The following MAD1L1 variants were observed in gnomAD, a reference collection of about 807,000 sequenced individuals.
The protein encoded by MAD1L1 is mitotic spindle assembly checkpoint protein MAD1.
In MAD1L1, 95 loss-of-function variants were observed where a neutral mutation model predicts 96.9. The ratio of observed to expected loss-of-function variants is 0.98; its 90% CI spans 0.83 to 1.16. MAD1L1 has a LOEUF of 1.16. Among genes scored for constraint, MAD1L1 ranks in the 50% most tolerant of loss-of-function variants. The pLI is 0.00. For synonymous variants in MAD1L1, 473 were observed against 396.6 expected, an observed-to-expected ratio of 1.19 and a Z score of -2.29; for missense variants, 1,007 against 954.4, an observed-to-expected ratio of 1.06 and a Z score of -0.73.
intron 18 of MAD1L1, among the ~76,000 whole-genome samples, chr7:1,887,836 TG>T (rs1322160270): frequency 2.4e-5 from 1 of 41,968 alleles, no homozygotes; most frequent in African/African-American, 1.3e-4. Flanking sequence ...TGCATGTATG[TG>T]GCGTCCTGTG....
chr7:1,929,174 C>G (rs1056674019), intron 17 of MAD1L1, among the ~76,000 whole-genome samples: 2 of 152,050 alleles, frequency 1.3e-5, no homozygotes, highest in Admixed American at 1.3e-4. Context: ...GGCCTCCCCT[C>G]TTTTCTTCCA....
chr7:2,128,253 G>A (rs1018161659), intron 11 of MAD1L1, among the ~76,000 whole-genome samples: 2 of 152,036 alleles, frequency 1.3e-5, no homozygotes, highest in Non-Finnish European at 1.5e-5. Context: ...TCACTGAATC[G>A]CATTTGTCAT....
chr7:1,998,678 C>G (rs1781660491), intron 14 of MAD1L1, among the ~76,000 whole-genome samples: 1 of 152,176 alleles, frequency 6.6e-6, no homozygotes, highest in African/African-American at 2.4e-5. Context: ...GAAGCACCGA[C>G]AGCCCTCAGG....
chr7:1,934,330 C>T (rs919591213), intron 17 of MAD1L1, among the ~76,000 whole-genome samples: 5 of 152,242 alleles, frequency 3.3e-5, no homozygotes, highest in African/African-American at 1.2e-4. Context: ...CGACCACCCG[C>T]GTGCCTGAGA....
intron 11 of MAD1L1, among the ~76,000 whole-genome samples, chr7:2,106,005 C>CCCTGCCCCACACATGGCCCCCGCG: frequency 8.6e-6 from 1 of 115,904 alleles, no homozygotes; most frequent in Middle Eastern, 4.5e-3. Flanking sequence ...ATGGCCCCGC[C>CCCTGCCCCACACATGGCCCCCGCG]CCTGCCCCAC....
In MAD1L1 at chr7:2,114,006, A is replaced by G. The variant is rs983060017; in HGVS notation, c.1073+35146T>C. On this transcript the variant is annotated intron_variant, in intron 11 of 18. Transcript: ENST00000265854. The surrounding 1 kb of genome is among the most constrained non-coding windows in gnomAD (Gnocchi z 4.2). ...GGCCAGATCCTGGCACAGAAAAAGG[A>G]GCTCAGTGGGAGAGCCGGCAAGACC... Among the ~76,000 whole-genome samples the G allele has an allele frequency of 3.3e-5, 5 of 152,180 alleles. No homozygotes were observed. The highest frequency in any genetic ancestry group is 1.2e-4 in the African/African-American group (5 of 41,442).
intron 13 of MAD1L1, among the ~76,000 whole-genome samples, chr7:2,011,263 G>C (rs1782288537): frequency 1.3e-5 from 2 of 152,146 alleles, no homozygotes; most frequent in African/African-American, 4.8e-5. Flanking sequence ...GGCTTGGGCT[G>C]GCGTCCCTGC....
intron 14 of MAD1L1, among the ~76,000 whole-genome samples, chr7:1,997,014 G>C (rs1781590378): frequency 6.6e-6 from 1 of 152,152 alleles, no homozygotes; most frequent in Admixed American, 6.5e-5. Flanking sequence ...AATTAGGGGG[G>C]TTCGCTAATG....
intron 15 of MAD1L1, among the ~76,000 whole-genome samples, chr7:1,972,400 A>G (rs1780445057): frequency 6.6e-6 from 1 of 152,202 alleles, no homozygotes; most frequent in African/African-American, 2.4e-5. Context: ...TTATTCAGAT[A>G]ACCTATTTCA....
chr7:2,037,261 G>A (rs963073997), intron 12 of MAD1L1, among the ~76,000 whole-genome samples: 12 of 150,044 alleles, frequency 8.0e-5, no homozygotes, highest in Non-Finnish European at 1.0e-4. Context: ...GGAGAAGATG[G>A]TAGAGACTTT....
chr7:2,123,329 G>A (rs1584377893), intron 11 of MAD1L1, among the ~76,000 whole-genome samples: 1 of 151,106 alleles, frequency 6.6e-6, no homozygotes, highest in African/African-American at 2.4e-5. Context: ...AAGCAGCAGG[G>A]GAGCTCAGCC....
intron 18 of MAD1L1, among the ~76,000 whole-genome samples, chr7:1,856,295 C>T (rs1210132343): frequency 6.6e-6 from 1 of 152,208 alleles, no homozygotes; most frequent in African/African-American, 2.4e-5. Flanking sequence ...GAAGGAACAT[C>T]TCGCTTCGGT....
At chr7:2,094,321 G>C (rs1444701860) in intron 11 of MAD1L1, among the ~76,000 whole-genome samples, 23 of 152,178 alleles carry the variant, frequency 1.5e-4, no homozygotes, top group Non-Finnish European at 1.5e-5. Flanking sequence ...CATCGGGAAC[G>C]GGACACGCAC....
rs1243091859 is a variant in MAD1L1, at chr7:1,986,322, GGAACCACACGCCAGTC to G, written c.1417-5797_1417-5782del. 7.9e-3 allele frequency among the ~76,000 whole-genome samples: 238 copies of G among 30,046 alleles called. 2 individuals are homozygous for G. Among genetic ancestry groups the G allele is most frequent in the African/African-American group, 0.028 (231 of 8,238 alleles). The allele number at this position is 30,046 out of a possible 152,430, so 19.7% of individuals were successfully genotyped here. A position where few individuals can be genotyped will look rare whatever the true frequency, so the allele number is the denominator to read the frequency against. ...TCAGCACCAACCTCTGCTGCAGCTT[GGAACCACACGCCAGTC>G]CAGCTTGGAACCACACGCCAGTCCA... On this transcript the variant is annotated intron_variant, in intron 14 of 18. Coordinates refer to ENST00000265854, the MANE Select transcript of MAD1L1 (RefSeq NM_001013836.2).
chr7:2,192,127 T>C (rs1307960620), intron 10 of MAD1L1, among the ~76,000 whole-genome samples: 3 of 151,956 alleles, frequency 2.0e-5, no homozygotes, highest in Non-Finnish European at 2.9e-5. Flanking sequence ...ATGGGGTTTT[T>C]TGTTTTTTTT....
chr7:2,019,577 C>T (rs1164184386), intron 12 of MAD1L1, among the ~76,000 whole-genome samples: 1 of 152,230 alleles, frequency 6.6e-6, no homozygotes, highest in East Asian at 1.9e-4. Flanking sequence ...AGACAGCACC[C>T]GTCAATGGAA....
At chr7:2,152,968 A>G (rs1461463044) in intron 10 of MAD1L1, among the ~76,000 whole-genome samples, 1 of 152,218 alleles carries the variant, frequency 6.6e-6, no homozygotes, top group Non-Finnish European at 1.5e-5. Flanking sequence ...AAAGTTGTGA[A>G]ATTTTGTATA....
chr7:2,149,804 G>A (rs1259185095), intron 10 of MAD1L1, among the ~76,000 whole-genome samples: 6 of 152,186 alleles, frequency 3.9e-5, no homozygotes, highest in Non-Finnish European at 7.4e-5. Flanking sequence ...AGTGCACCCC[G>A]ATGATCAGCA....
At position 2,002,051 on chromosome 7, in the gene MAD1L1, C is replaced by T. The variant is rs767442121; in HGVS notation, c.1416+14G>A. ...AGGTGCCCTGAATCCCAGCCACTCC[C>T]GCGTCTGACTCACCATGTCTGCTCT... is the stretch of plus-strand genomic sequence containing the variant. On this transcript the variant is annotated intron_variant, in intron 14 of 18. Coordinates refer to ENST00000265854, the MANE Select transcript of MAD1L1 (RefSeq NM_001013836.2). The T allele has an allele frequency of 1.9e-5, 31 of 1,613,014 alleles. No individual in the cohort carries two copies. Among genetic ancestry groups the T allele is most frequent in the Admixed American group, 1.7e-4 (10 of 60,032 alleles).
Sources: allele counts gnomAD v4.1 joint callset (sites outside exome capture counted in the v4.1 genomes callset), GRCh38; gene constraint gnomAD v4.1.1; non-coding constraint Gnocchi (gnomAD v3.1); transcripts MANE v1.5; gene names NCBI Gene and HGNC (gene_info 2026-07-23, HGNC 2026-07-21).